Variants in TONSL observed in about 807,000 individuals in gnomAD.
TONSL encodes the protein tonsoku like, DNA repair protein.
In TONSL, 112 loss-of-function variants were observed where a neutral mutation model predicts 147.1. That is an observed-to-expected ratio of 0.76 (90% CI 0.65 to 0.89). TONSL has a LOEUF of 0.89. TONSL is among the 40% of genes least tolerant of loss of function. The pLI is 0.00. For synonymous variants in TONSL, 868 were observed against 801.5 expected (o/e 1.08, Z -1.40); for missense variants, 1,883 against 1,864.6 (o/e 1.01, Z -0.18).
chr8:144,436,888 C>T lies in TONSL; in HGVS notation c.1759G>A (p.Ala587Thr), dbSNP rs369062838. Reference sequence around the variant, plus strand: ...CCCTGGCCACCTGGGTCGTCCACTGCGGCCCCGTGGTCCAGCAGGAAGCGG... The same window carrying T: ...CCCTGGCCACCTGGGTCGTCCACTGTGGCCCCGTGGTCCAGCAGGAAGCGG... ...IVRFLLDHGA[A>T]VDDPGGQGCE... The change falls in exon 15 of 26, where the codon GCA becomes ACA. Residue 587 changes from alanine (A) to threonine (T), a missense_variant. By Grantham distance (58) the Ala-to-Thr change is moderately conservative. Coordinates refer to ENST00000409379, the MANE Select transcript of TONSL (RefSeq NM_013432.5). 5.8e-5 allele frequency: 93 copies of T among 1,608,520 alleles called. No homozygotes were observed. Among genetic ancestry groups the T allele is most frequent in the African/African-American group, 8.0e-5 (6 of 74,924 alleles).
At chr8:144,443,035 G>A (rs1029340337) in intron 4 of TONSL, 103 bp downstream of exon 4, 8 of 1,374,162 alleles carry the variant, frequency 5.8e-6, no homozygotes, top group African/African-American at 1.5e-5. Context: ...GCAAAGGGAG[G>A]GCTCCAGAAG....
intron 3 of TONSL, 111 bp from the exon 4 acceptor site, chr8:144,443,432 AC>A: frequency 9.1e-7 from 1 of 1,100,386 alleles, no homozygotes; most frequent in East Asian, 2.6e-5. Flanking sequence ...GCTCCCCCTA[AC>A]CCCCACAGAG....
intron 13 of TONSL, chr8:144,438,159 C>T (rs1823550275): frequency 2.4e-6 from 1 of 408,896 alleles, no homozygotes; most frequent in Admixed American, 3.7e-5. Flanking sequence ...CCTTGGCATC[C>T]CAAAGTGCTG....
At position 144,430,787 on chromosome 8, in the gene TONSL, A is replaced by G. The variant is rs373050026; in HGVS notation, c.3810-250T>C. Among the ~76,000 whole-genome samples the G allele has an allele frequency of 5.4e-4, 83 of 152,346 alleles. No homozygotes were observed. The South Asian group carries it at 0.017, about 31-fold the overall frequency. On this transcript the variant is annotated intron_variant, in intron 24 of 25. Transcript: ENST00000409379. ...CCTCTCAACACTCCCCAGAGAGCTG[A>G]CTGAGGCTCCAGGTCATAAGAGCAG... is the stretch of plus-strand genomic sequence containing the variant.
At chr8:144,433,906 C>A in intron 21 of TONSL, 72 bp downstream of exon 21, 2 of 1,487,842 alleles carry the variant, frequency 1.3e-6, no homozygotes. Flanking sequence ...CTACCCTAGA[C>A]CACCCAGGGA....
intron 13 of TONSL, chr8:144,438,084 G>T: frequency 4.2e-6 from 1 of 239,316 alleles, no homozygotes; most frequent in East Asian, 9.6e-5. Context: ...TAAATTTCTT[G>T]GAGACAAGGT....
intron 3 of TONSL, 120 bp downstream of exon 3, chr8:144,443,762 G>T: frequency 7.2e-7 from 1 of 1,382,692 alleles, no homozygotes; most frequent in Non-Finnish European, 9.7e-7. Context: ...AGGCAAGGCT[G>T]CGTCAGGTCA....
intron 24 of TONSL, among the ~76,000 whole-genome samples, 175 bp from the exon 25 acceptor site, chr8:144,430,712 G>T (rs1215465454): frequency 1.3e-5 from 2 of 152,228 alleles, no homozygotes; most frequent in East Asian, 3.8e-4. Context: ...CCTTCCCAGG[G>T]GTCAGGGCCA....
At chr8:144,432,154 C>T (rs1226939052) in intron 23 of TONSL, 131 bp downstream of exon 23, 3 of 1,064,468 alleles carry the variant, frequency 2.8e-6, no homozygotes, top group Non-Finnish European at 4.1e-6. Flanking sequence ...AACCTCCAAA[C>T]CTCTAACTCT....
rs1313274882 is a variant in TONSL at position 144,428,999 on chromosome 8, C to T, written c.*144G>A. ...AGAGACGGGGTTTCACCATGTTAGC[C>T]AGGATGGTCTCGATCTCCTGACCTC... On this transcript the variant is annotated 3_prime_UTR_variant, in exon 26 of 26. Coordinates refer to ENST00000409379, the MANE Select transcript of TONSL (RefSeq NM_013432.5). 7 of 936,300 alleles carry T rather than the reference C, an allele frequency of 7.5e-6. No individual in the cohort carries two copies. The African/African-American group carries it at 1.2e-4, about 16-fold the overall frequency. 58.0% of individuals were successfully genotyped at this position (936,300 alleles called of 1,614,324 possible). A position where few individuals can be genotyped will look rare whatever the true frequency, so the allele number is the denominator to read the frequency against.
rs782177616 is a variant in TONSL at position 144,433,662 on chromosome 8, A to C, written c.3485T>G (p.Leu1162Arg). The change falls in exon 22 of 26, where the codon CTG becomes CGG. Residue 1162 changes from leucine (L) to arginine (R), a missense_variant. Coordinates refer to ENST00000409379, the MANE Select transcript of TONSL (RefSeq NM_013432.5). Reference sequence around the variant, plus strand: ...GCCGAAGCCACACGCCTGCAGGCGCAGGGTGCTGAGTAAGGGGCAGGCGTG... The same window carrying C: ...GCCGAAGCCACACGCCTGCAGGCGCCGGGTGCTGAGTAAGGGGCAGGCGTG... ...LLHACPLLST[L>R]RLQACGFGPS... The C allele has an allele frequency of 3.1e-6, 5 of 1,613,180 alleles. No homozygotes were observed. The highest frequency in any genetic ancestry group is 4.2e-6 in the Non-Finnish European group (5 of 1,179,942).
rs1038895966 is a variant in TONSL at position 144,438,213 on chromosome 8, A to T, written c.1653+258T>A. 1.5e-5 allele frequency: 8 copies of T among 548,142 alleles called. No individual in the cohort carries two copies. In the African/African-American group the frequency reaches 1.5e-4, roughly 10 times the overall value. 34.0% of individuals were successfully genotyped at this position (548,142 alleles called of 1,614,324 possible). A position where few individuals can be genotyped will look rare whatever the true frequency, so the allele number is the denominator to read the frequency against. On this transcript the variant is annotated intron_variant, in intron 13 of 25. Transcript: ENST00000409379. ...ACCCCGTGCAGCCTCCGCTTTTTAA[A>T]TTTTTTTGAAACAGGGTCTCACTGT...
In TONSL at chr8:144,429,208, T is replaced by G. The variant is rs1044879236; in HGVS notation, c.4072A>C (p.Ser1358Arg). ...DRDALRQLQP[S>R]RPGPGECTLD... Reference sequence around the variant, plus strand: ...GTGCACTCGCCGGGGCCCGGCCGACTGGGCTGCAGCTGGCGCAGGGCGTCC... The same window carrying G: ...GTGCACTCGCCGGGGCCCGGCCGACGGGGCTGCAGCTGGCGCAGGGCGTCC... The change falls in exon 26 of 26, where the codon AGT becomes CGT. Residue 1358 changes from serine (S) to arginine (R), a missense_variant. Transcript: ENST00000409379. The G allele has an allele frequency of 6.5e-7, 1 of 1,535,088 alleles. No homozygotes were observed. The highest frequency in any genetic ancestry group is 1.4e-5 in the African/African-American group (1 of 72,504).
intron 4 of TONSL, 88 bp downstream of exon 4, chr8:144,443,050 G>A: frequency 6.9e-7 from 1 of 1,441,286 alleles, no homozygotes; most frequent in South Asian, 1.4e-5. Context: ...CAGAAGACGG[G>A]ATTGCCCAAG....
intron 1 of TONSL, 27 bp downstream of exon 1, chr8:144,444,363 G>T: frequency 7.8e-7 from 1 of 1,282,532 alleles, no homozygotes. Context: ...CCGCGCCCCC[G>T]GAGGAAGGGG....
intron 23 of TONSL, 79 bp from the exon 24 acceptor site, chr8:144,431,230 C>G (rs1823175076): frequency 7.2e-7 from 1 of 1,394,486 alleles, no homozygotes; most frequent in African/African-American, 1.4e-5. Context: ...GTGCACCACA[C>G]CCAGGGGCCC....
At chr8:144,435,214 G>C in intron 18 of TONSL, 44 bp from the exon 19 acceptor site, 1 of 1,453,056 alleles carries the variant, frequency 6.9e-7, no homozygotes, top group Non-Finnish European at 9.1e-7. Flanking sequence ...CACACAGCCG[G>C]GGTAATGCCC....
intron 2 of TONSL, 27 bp from the exon 3 acceptor site, chr8:144,444,051 C>A (rs1203105426): frequency 1.3e-6 from 2 of 1,496,096 alleles, no homozygotes; most frequent in South Asian, 1.2e-5. Flanking sequence ...CACGGCCTGG[C>A]AGGCGTCGCG....
chr8:144,436,942 C>T (rs1823488019), intron 14 of TONSL, 22 bp from the exon 15 acceptor site: 1 of 1,610,584 alleles, frequency 6.2e-7, no homozygotes, highest in Non-Finnish European at 8.5e-7. Flanking sequence ...GAGACGTAAG[C>T]CCAGCTCCCG....
Sources: gnomAD v4.1 joint callset for allele counts (sites outside exome capture counted in the v4.1 genomes callset) on GRCh38, gnomAD v4.1.1 for gene constraint, MANE v1.5 for transcripts, NCBI Gene and HGNC (gene_info 2026-07-23, HGNC 2026-07-21) for gene names.